Variants in FER observed in about 807,000 individuals in gnomAD.
FER encodes the protein FER tyrosine kinase.
Under a neutral mutation model 111.0 loss-of-function variants are expected in FER, and 63 were observed. That is an observed-to-expected ratio of 0.57 (90% confidence interval 0.46 to 0.70). The LOEUF is 0.70. Among genes scored for constraint, FER ranks in the 30% least tolerant of loss-of-function variants. FER has a pLI of 0.00. For missense variants in FER, 914 were observed against 954.0 expected, an observed-to-expected ratio of 0.96 and a Z score of 0.55; for synonymous variants, 327 against 313.9, an observed-to-expected ratio of 1.04 and a Z score of -0.44.
At chr5:109,107,931 G>A (rs936716570) in intron 17 of FER, among the ~76,000 whole-genome samples, 8 of 152,000 alleles carry the variant, frequency 5.3e-5, no homozygotes, top group East Asian at 1.9e-4. Context: ...TCAAATTATG[G>A]ACACAAATAA....
intron 9 of FER, among the ~76,000 whole-genome samples, chr5:108,884,205 C>T (rs942785589): frequency 2.0e-4 from 30 of 152,078 alleles, no homozygotes; most frequent in African/African-American, 7.0e-4. Context: ...ATTATACTCT[C>T]ACATATTCTT....
intron 17 of FER, among the ~76,000 whole-genome samples, chr5:109,124,310 G>C (rs140621269): frequency 6.6e-6 from 1 of 152,032 alleles, no homozygotes; most frequent in African/African-American, 2.4e-5. Flanking sequence ...TGGAAGGAAG[G>C]CTTTCATTAA....
At chr5:109,045,370 A>T (rs1771815896) in intron 15 of FER, among the ~76,000 whole-genome samples, 1 of 150,082 alleles carries the variant, frequency 6.7e-6, no homozygotes, top group African/African-American at 2.5e-5. Flanking sequence ...ACATGCATAA[A>T]TTTTTTATCT....
chr5:109,175,939 A>T (rs543690231), intron 17 of FER, among the ~76,000 whole-genome samples: 71 of 152,308 alleles, frequency 4.7e-4, no homozygotes, highest in African/African-American at 1.7e-3. Flanking sequence ...AGATCGTGCC[A>T]CTGCACTCCA....
chr5:109,047,722 G>A lies in FER; in HGVS notation c.1924+524G>A, dbSNP rs528180548. 5.3e-5 allele frequency among the ~76,000 whole-genome samples: 8 copies of A among 152,102 alleles called. 1 individual carries two copies. In the South Asian group the frequency reaches 6.2e-4, roughly 12 times the overall value. On this transcript the variant is annotated intron_variant, in intron 16 of 19. Transcript: ENST00000281092. ...AGTGCTGGGATTACAGACATGAGCC[G>A]CAGCACCCTGCAAAACCTCTTTTTT...
chr5:108,861,057 C>T (rs1023175604), intron 5 of FER, among the ~76,000 whole-genome samples: 2 of 152,064 alleles, frequency 1.3e-5, no homozygotes, highest in Non-Finnish European at 2.9e-5. Context: ...ATTATAATTC[C>T]AGATGAGATT....
chr5:109,123,381 C>G (rs1751261987), intron 17 of FER, among the ~76,000 whole-genome samples: 1 of 151,902 alleles, frequency 6.6e-6, no homozygotes, highest in African/African-American at 2.4e-5. Context: ...TGGTCTCGAT[C>G]TCCTGGCCTC....
At chr5:109,072,999 T>C (rs1775941057) in intron 16 of FER, among the ~76,000 whole-genome samples, 1 of 152,242 alleles carries the variant, frequency 6.6e-6, no homozygotes. Flanking sequence ...TATTCAAATC[T>C]CTGTTTTCTT....
intron 18 of FER, 118 bp from the exon 19 acceptor site, chr5:109,186,082 C>T (rs1469446119): frequency 2.9e-6 from 4 of 1,402,220 alleles, no homozygotes; most frequent in Non-Finnish European, 4.0e-6. Context: ...TATATGTGCT[C>T]CATCATTGAC....
intron 16 of FER, among the ~76,000 whole-genome samples, chr5:109,066,779 C>G (rs1186343922): frequency 6.6e-6 from 1 of 152,060 alleles, no homozygotes; most frequent in Non-Finnish European, 1.5e-5. Flanking sequence ...TTGTTCCATA[C>G]AAAATACGCT....
At chr5:108,794,758 A>G (rs950869795) in intron 2 of FER, among the ~76,000 whole-genome samples, 3 of 151,998 alleles carry the variant, frequency 2.0e-5, no homozygotes, top group Non-Finnish European at 1.5e-5. Flanking sequence ...GCTGCCACAC[A>G]TGTGGGATCT....
intron 10 of FER, among the ~76,000 whole-genome samples, chr5:108,942,234 G>T (rs1756372664): frequency 2.0e-5 from 3 of 152,042 alleles, no homozygotes; most frequent in Admixed American, 2.0e-4. Flanking sequence ...TCTTATTTAA[G>T]AGATACAGAA....
intron 13 of FER, among the ~76,000 whole-genome samples, chr5:109,028,866 GT>G (rs1372137746): frequency 6.6e-6 from 1 of 152,156 alleles, no homozygotes; most frequent in Non-Finnish European, 1.5e-5. Context: ...GAGTTTTGGA[GT>G]CCAAAGTTCT....
chr5:109,186,187 G>T lies in FER; in HGVS notation c.2204-13G>T, dbSNP rs1379651414. On this transcript the variant is annotated splice_polypyrimidine_tract_variant and intron_variant, in intron 18 of 19. Coordinates refer to ENST00000281092, the MANE Select transcript of FER (RefSeq NM_005246.4). ...TGTGCCTCATGTGGTTATGGTTGTT[G>T]TTCCTCTTCCAGGGAGATACAGTTC... 6.2e-7 allele frequency: 1 copy of T among 1,614,096 alleles called. No individual in the cohort carries two copies. The highest frequency in any genetic ancestry group is 8.5e-7 in the Non-Finnish European group (1 of 1,179,940).
intron 15 of FER, among the ~76,000 whole-genome samples, chr5:109,045,678 A>G (rs1771867853): frequency 6.6e-6 from 1 of 152,240 alleles, no homozygotes; most frequent in Admixed American, 6.5e-5. Flanking sequence ...AATGATTTCA[A>G]AGCAATAGTT....
intron 3 of FER, among the ~76,000 whole-genome samples, chr5:108,826,305 A>G (rs1286213393): frequency 1.3e-5 from 2 of 152,224 alleles, no homozygotes; most frequent in East Asian, 1.9e-4. Flanking sequence ...TGGTCATGGT[A>G]TATGATCCTT....
At position 109,188,228 on chromosome 5, in the gene FER, C is replaced by T. The variant is rs1356593582; in HGVS notation, c.*653C>T. On this transcript the variant is annotated 3_prime_UTR_variant, in exon 20 of 20. Transcript: ENST00000281092. ...TGCACGTAGGTCGGGCACGGTGGCT[C>T]ACGCCTGTAATCCCAGGCATGTAAT... 2.1e-5 allele frequency: 3 copies of T among 146,030 alleles called. No homozygotes were observed. The highest frequency in any genetic ancestry group is 6.8e-5 in the Admixed American group (1 of 14,732). The allele number at this position is 146,030 out of a possible 1,614,324, so 9.0% of individuals were successfully genotyped here.
At chr5:108,992,238 A>G (rs1342522064) in intron 13 of FER, among the ~76,000 whole-genome samples, 1 of 152,264 alleles carries the variant, frequency 6.6e-6, no homozygotes, top group Non-Finnish European at 1.5e-5. Flanking sequence ...GAATTTTTCT[A>G]GTACAGAACA....
chr5:109,051,670 T>A, intron 16 of FER: 1 of 1,576,752 alleles, frequency 6.3e-7, no homozygotes, highest in Non-Finnish European at 8.7e-7. Context: ...ATAAGCATAT[T>A]TTTGAGACCC....
Sources: gnomAD v4.1 joint callset for allele counts (sites outside exome capture counted in the v4.1 genomes callset) on GRCh38, gnomAD v4.1.1 for gene constraint, MANE v1.5 for transcripts, NCBI Gene and HGNC (gene_info 2026-07-23, HGNC 2026-07-21) for gene names.